Variants in TTLL5 observed in about 807,000 individuals in gnomAD.
TTLL5 encodes tubulin polyglutamylase TTLL5.
A neutral mutation model predicts 168.4 loss-of-function variants in TTLL5; 132 were observed. That is an observed-to-expected ratio of 0.78 (90% confidence interval 0.68 to 0.91). The LOEUF is 0.91. TTLL5 is among the 40% of genes least tolerant of loss of function. The pLI is 0.00. For synonymous variants in TTLL5, 546 were observed against 558.6 expected, an observed-to-expected ratio of 0.98 and a Z score of 0.32; for missense variants, 1,545 against 1,581.5, an observed-to-expected ratio of 0.98 and a Z score of 0.39.
chr14:75,933,537 C>T (rs2034342728), intron 31 of TTLL5, among the ~76,000 whole-genome samples: 1 of 152,188 alleles, frequency 6.6e-6, no homozygotes, highest in Admixed American at 6.5e-5. Flanking sequence ...GTCTCTGGCT[C>T]AAGGTCTCTC....
At chr14:75,773,927 T>TAGAGAG (rs1266575647) in intron 21 of TTLL5, among the ~76,000 whole-genome samples, 219 of 21,082 alleles carry the variant, frequency 0.01, 5 homozygotes, top group South Asian at 0.029. Context: ...TATATATATA[T>TAGAGAG]AGAGAGAGAG....
chr14:75,841,646 T>C (rs1356640690), intron 28 of TTLL5, among the ~76,000 whole-genome samples: 2 of 152,198 alleles, frequency 1.3e-5, no homozygotes, highest in Non-Finnish European at 1.5e-5. Context: ...TTCAGGACAG[T>C]TTACATGGGG....
At chr14:75,727,912 A>T in intron 12 of TTLL5, 1 of 458,990 alleles carries the variant, frequency 2.2e-6, no homozygotes, top group South Asian at 1.6e-5. Flanking sequence ...TTTTGGGGTG[A>T]TGGAAACATT....
rs1322052197 is a variant in TTLL5, at chr14:75,669,534, C to G, written c.181+12C>G. 17 of 1,610,976 alleles carry G rather than the reference C, an allele frequency of 1.1e-5. No individual in the cohort carries two copies. The highest frequency in any genetic ancestry group is 1.4e-5 in the Non-Finnish European group (17 of 1,177,518). ...TAGAGTAATTGGAGGTGCGTATAAC[C>G]TCTCCCACAGAGGACGGAGCTGGGC... is the stretch of plus-strand genomic sequence containing the variant. On this transcript the variant is annotated intron_variant, in intron 3 of 31. Transcript: ENST00000298832.
chr14:75,902,409 T>C (rs920656096), intron 31 of TTLL5, 185 bp downstream of exon 31: 1 of 703,740 alleles, frequency 1.4e-6, no homozygotes, highest in Non-Finnish European at 2.5e-6. Flanking sequence ...CAGCCTAAAA[T>C]AGGCATTTTC....
chr14:75,683,709 C>T, intron 5 of TTLL5, 53 bp downstream of exon 5: 1 of 1,415,264 alleles, frequency 7.1e-7, no homozygotes, highest in Non-Finnish European at 1.0e-6. Flanking sequence ...GACATTGGGG[C>T]ATGTAGCCAG....
intron 12 of TTLL5, among the ~76,000 whole-genome samples, chr14:75,727,655 G>A (rs1047777962): frequency 1.3e-5 from 2 of 152,090 alleles, no homozygotes; most frequent in Non-Finnish European, 2.9e-5. Flanking sequence ...TTAAAAGGGT[G>A]AATTTATTGT....
intron 26 of TTLL5, among the ~76,000 whole-genome samples, chr14:75,792,546 C>G (rs1241779385): frequency 9.2e-6 from 1 of 108,990 alleles, no homozygotes; most frequent in East Asian, 2.2e-4. Context: ...TTGACAAGTA[C>G]AGTTACATAA....
intron 31 of TTLL5, among the ~76,000 whole-genome samples, chr14:75,933,243 G>A (rs987318318): frequency 6.6e-6 from 1 of 152,146 alleles, no homozygotes; most frequent in Non-Finnish European, 1.5e-5. Flanking sequence ...GATTATTTGA[G>A]CCCAGGAGTT....
intron 31 of TTLL5, among the ~76,000 whole-genome samples, chr14:75,925,937 G>GCACTTGGC (rs1183372663): frequency 6.6e-6 from 1 of 151,810 alleles, no homozygotes; most frequent in Non-Finnish European, 1.5e-5. Flanking sequence ...GTAATCGCAG[G>GCACTTGGC]CACTTGGCAG....
intron 12 of TTLL5, among the ~76,000 whole-genome samples, chr14:75,731,284 TATA>T (rs1888515326): frequency 1.3e-5 from 2 of 151,530 alleles, no homozygotes; most frequent in Admixed American, 6.6e-5. Flanking sequence ...AGAGAAAAAA[TATA>T]AGCAGTTTTT....
intron 9 of TTLL5, chr14:75,711,551 C>A (rs921830147): frequency 7.2e-5 from 11 of 152,126 alleles, no homozygotes; most frequent in Admixed American, 7.2e-4. Context: ...GAGTTAAAAA[C>A]TAAATATGTT....
intron 31 of TTLL5, chr14:75,930,584 A>G (rs949344860): frequency 6.1e-6 from 6 of 984,324 alleles, no homozygotes; most frequent in Non-Finnish European, 7.2e-6. Context: ...TTAAATATCT[A>G]CTGACGTTTC....
intron 30 of TTLL5, 67 bp downstream of exon 30, chr14:75,882,969 A>G: frequency 6.6e-7 from 1 of 1,521,802 alleles, no homozygotes; most frequent in Admixed American, 1.8e-5. Flanking sequence ...CTCTTTATTT[A>G]TTACTCTTCA....
In TTLL5 at chr14:75,863,710, AACAACGTGT is replaced by A. The variant is rs779761398; in HGVS notation, c.3374_3382del (p.Asn1125_Tyr1127del). 533 of 1,612,984 alleles carry A rather than the reference AACAACGTGT, an allele frequency of 3.3e-4. No individual in the cohort carries two copies. Among genetic ancestry groups the A allele is most frequent in the Non-Finnish European group, 4.3e-4 (502 of 1,179,660 alleles). Reference sequence around the variant, plus strand: ...ATTTGCCTGGGAAGGAGAAGTAGAAAACAACGTGTACAGCCAGGCTACAGGGGTGGTCCC... The same window carrying A: ...ATTTGCCTGGGAAGGAGAAGTAGAAAACAGCCAGGCTACAGGGGTGGTCCC... On this transcript the variant is annotated inframe_deletion, in exon 29 of 32. Coordinates refer to ENST00000298832, the MANE Select transcript of TTLL5 (RefSeq NM_015072.5).
intron 9 of TTLL5, among the ~76,000 whole-genome samples, chr14:75,716,808 C>G (rs2140195126): frequency 6.6e-6 from 1 of 152,310 alleles, no homozygotes; most frequent in South Asian, 2.1e-4. Flanking sequence ...TTCAGAGGCA[C>G]ATGTATTTTA....
chr14:75,916,507 A>ATATG (rs1269067192), intron 31 of TTLL5, among the ~76,000 whole-genome samples: 7 of 152,104 alleles, frequency 4.6e-5, no homozygotes, highest in Non-Finnish European at 1.0e-4. Context: ...GCACAGTGGC[A>ATATG]CATGCCTATA....
In TTLL5 at chr14:75,812,782, A is replaced by G. The variant is rs532201427; in HGVS notation, c.3172-7225A>G. ...CGTTTCCTTAGCTACCATTCCTGGT[A>G]ACAAGTGCTTCTCAAACTCTGCAAT... On this transcript the variant is annotated intron_variant, in intron 27 of 31. Coordinates refer to ENST00000298832, the MANE Select transcript of TTLL5 (RefSeq NM_015072.5). Among the ~76,000 whole-genome samples the G allele has an allele frequency of 1.2e-4, 19 of 152,308 alleles. No homozygotes were observed. The East Asian group carries it at 3.1e-3, about 25-fold the overall frequency.
chr14:75,912,492 G>A (rs1397998920), intron 31 of TTLL5, among the ~76,000 whole-genome samples: 1 of 152,052 alleles, frequency 6.6e-6, no homozygotes, highest in Non-Finnish European at 1.5e-5. Flanking sequence ...AAAATAACAA[G>A]GTATAAAGGG....
Sources: allele counts gnomAD v4.1 joint callset (sites outside exome capture counted in the v4.1 genomes callset), GRCh38; gene constraint gnomAD v4.1.1; transcripts MANE v1.5; gene names NCBI Gene and HGNC (gene_info 2026-07-23, HGNC 2026-07-21).